ERBIN: variants seen among roughly 807,000 people sequenced by gnomAD.
ERBIN encodes densin-180-like protein.
In ERBIN, 60 loss-of-function variants were observed where a neutral mutation model predicts 158.4. The observed-to-expected ratio is 0.38, with a 90% CI of 0.31 to 0.47. ERBIN has a LOEUF of 0.47. Among genes scored for constraint, ERBIN ranks in the 20% least tolerant of loss-of-function variants. The pLI is 0.99. For missense variants in ERBIN, 1,610 were observed against 1,648.0 expected (o/e 0.98, Z 0.40); for synonymous variants, 594 against 557.2 (o/e 1.07, Z -0.93).
At position 66,081,416 on chromosome 5, in the gene ERBIN, A is replaced by C. The variant is rs931965360; in HGVS notation, c.*2886A>C. 2 of 151,570 alleles carry C rather than the reference A, an allele frequency of 1.3e-5. No individual in the cohort carries two copies. Among genetic ancestry groups the C allele is most frequent in the Admixed American group, 1.3e-4 (2 of 15,248 alleles). 9.4% of individuals were successfully genotyped at this position (151,570 alleles called of 1,614,324 possible). On this transcript the variant is annotated 3_prime_UTR_variant, in exon 26 of 26. Transcript: ENST00000284037. ...TGCCATAAGCAGAACCAAACTTTTA[A>C]GTATTAATTTGCTGCACTTAAAAAA...
At chr5:65,977,749 CG>C (rs1243339095) in intron 1 of ERBIN, among the ~76,000 whole-genome samples, 2 of 152,058 alleles carry the variant, frequency 1.3e-5, no homozygotes, top group African/African-American at 4.8e-5. Context: ...ACTTCCCAGA[CG>C]GGGTGGCGGC....
At chr5:65,967,399 T>C (rs1438591566) in intron 1 of ERBIN, among the ~76,000 whole-genome samples, 1 of 152,188 alleles carries the variant, frequency 6.6e-6, no homozygotes, top group Admixed American at 6.5e-5. Flanking sequence ...ACTAGTTTTT[T>C]TTTTATCTTT....
At chr5:65,977,758 G>C (rs1399789795) in intron 1 of ERBIN, among the ~76,000 whole-genome samples, 1 of 152,070 alleles carries the variant, frequency 6.6e-6, no homozygotes, top group Admixed American at 6.6e-5. Flanking sequence ...ACGGGGTGGC[G>C]GCCGGGCAGA....
Position 66,017,425 on chromosome 5 carries a change from T to G in ERBIN, c.533+2700T>G, listed in dbSNP as rs576522388. Among the ~76,000 whole-genome samples, 9 of 151,942 alleles carry G rather than the reference T, an allele frequency of 5.9e-5. No homozygotes were observed. In the South Asian group the frequency reaches 1.9e-3, roughly 31 times the overall value. On this transcript the variant is annotated intron_variant, in intron 7 of 25. Transcript: ENST00000284037. ...ATATTTCATTGTAGTTTTCTCTGAT[T>G]AGTGATGATCATTTTTTCATATGCC...
At chr5:66,022,908 T>C (rs1055891447) in intron 8 of ERBIN, 3 of 155,490 alleles carry the variant, frequency 1.9e-5, no homozygotes, top group Admixed American at 6.5e-5. Context: ...CTGTATCTTC[T>C]TACTGATAAT....
At position 66,040,571 on chromosome 5, in the gene ERBIN, TC is replaced by T. The variant is rs142639732; in HGVS notation, c.1306+2092del. ...TAGAGTTCATGTGTCACCTAAAGTA[TC>T]CCATGGGTATTATAAACACAGCACT... On this transcript the variant is annotated intron_variant, in intron 15 of 25. Coordinates refer to ENST00000284037, the MANE Select transcript of ERBIN (RefSeq NM_001253697.2). Among the ~76,000 whole-genome samples, 414 of 151,972 alleles carry T rather than the reference TC, an allele frequency of 2.7e-3. 11 individuals carry two copies. In the East Asian group the frequency reaches 0.073, roughly 27 times the overall value.
At chr5:65,946,739 G>A (rs57299494) in intron 1 of ERBIN, among the ~76,000 whole-genome samples, 1,793 of 150,536 alleles carry the variant, frequency 0.012, 39 homozygotes, top group African/African-American at 0.042. Context: ...CACCAGCAGT[G>A]TATGAGAGAT....
chr5:65,926,985 C>T (rs942180683), intron 1 of ERBIN, among the ~76,000 whole-genome samples, 179 bp downstream of exon 1: 6 of 151,902 alleles, frequency 3.9e-5, no homozygotes, highest in Non-Finnish European at 8.8e-5. Flanking sequence ...CACCGCGTCC[C>T]TTCTCCCCCC....
intron 1 of ERBIN, among the ~76,000 whole-genome samples, chr5:65,933,876 A>T (rs1743750556): frequency 6.6e-6 from 1 of 152,174 alleles, no homozygotes; most frequent in Non-Finnish European, 1.5e-5. Flanking sequence ...CTAAGTTGCT[A>T]ACATGATGCC....
Position 66,025,501 on chromosome 5 carries a change from C to T in ERBIN, c.839C>T (p.Thr280Met), listed in dbSNP as rs776446365. 5 of 1,611,960 alleles carry T rather than the reference C, an allele frequency of 3.1e-6. No homozygotes were observed. Among genetic ancestry groups the T allele is most frequent in the Middle Eastern group, 1.7e-4 (1 of 6,024 alleles). Reference protein sequence around the residue: ...ETIGSLKNITTLKIDENQLMY... With the variant: ...ETIGSLKNITMLKIDENQLMY... Reference sequence around the variant, plus strand: ...TTAGGTTCGTTGAAGAATATAACAACGCTTAAAATAGATGAAAACCAGTTA... The same window carrying T: ...TTAGGTTCGTTGAAGAATATAACAATGCTTAAAATAGATGAAAACCAGTTA... The change falls in exon 11 of 26, where the codon ACG (threonine) becomes ATG (methionine). Residue 280 changes from threonine (T) to methionine (M), a missense_variant. By Grantham distance (81) the Thr-to-Met change is moderately conservative. This residue lies in a region of ERBIN where 596 missense variants were observed against 711.9 expected (regional missense o/e 0.84). Coordinates refer to ENST00000284037, the MANE Select transcript of ERBIN (RefSeq NM_001253697.2).
chr5:65,956,197 A>G (rs1747099722), intron 1 of ERBIN, among the ~76,000 whole-genome samples: 1 of 152,122 alleles, frequency 6.6e-6, no homozygotes, highest in African/African-American at 2.4e-5. Flanking sequence ...TGTCTACTGC[A>G]TTATTGAATC....
In ERBIN at chr5:66,023,324, A is replaced by C. The variant is rs1164226775; in HGVS notation, c.632A>C (p.Glu211Ala). The C allele has an allele frequency of 6.2e-7, 1 of 1,613,236 alleles. No homozygotes were observed. The highest frequency in any genetic ancestry group is 1.1e-5 in the South Asian group (1 of 90,978). The change falls in exon 9 of 26, where the codon GAG (glutamate) becomes GCG (alanine). Residue 211 changes from glutamate to alanine, a missense_variant. This residue lies in a region of ERBIN where 596 missense variants were observed against 711.9 expected (regional missense o/e 0.84). Transcript: ENST00000284037. Reference protein sequence around the residue: ...EVLEQLSGLKEFWMDANRLTF... With the variant: ...EVLEQLSGLKAFWMDANRLTF... Reference sequence around the variant, plus strand: ...CTTGAGCAACTAAGTGGATTGAAAGAGTTTTGGATGGATGCTAATAGACTG... The same window carrying C: ...CTTGAGCAACTAAGTGGATTGAAAGCGTTTTGGATGGATGCTAATAGACTG...
chr5:66,042,784 A>G (rs944460956), intron 15 of ERBIN, among the ~76,000 whole-genome samples: 13 of 152,102 alleles, frequency 8.5e-5, no homozygotes, highest in Admixed American at 5.2e-4. Flanking sequence ...CCAAAACCAT[A>G]TATCTATGGT....
chr5:66,068,814 A>G lies in ERBIN; in HGVS notation c.3634-3355A>G. 6 of 1,404,224 alleles carry G rather than the reference A, an allele frequency of 4.3e-6. No homozygotes were observed. In the South Asian group the frequency reaches 9.0e-5, roughly 21 times the overall value. The allele number at this position is 1,404,224 out of a possible 1,614,324, so 87.0% of individuals were successfully genotyped here. A position where few individuals can be genotyped will look rare whatever the true frequency, so the allele number is the denominator to read the frequency against. On this transcript the variant is annotated intron_variant, in intron 21 of 25. Coordinates refer to ENST00000284037, the MANE Select transcript of ERBIN (RefSeq NM_001253697.2). ...ACTTGTAAATAAGTCTACGTATATA[A>G]CATGTCTCGTGGATTTTGCATGCTA... is the stretch of plus-strand genomic sequence containing the variant.
intron 1 of ERBIN, among the ~76,000 whole-genome samples, chr5:65,931,819 C>CTTTTTTTTTTT (rs36048820): frequency 7.6e-6 from 1 of 131,934 alleles, no homozygotes; most frequent in Non-Finnish European, 1.6e-5. Context: ...TCTTTTCTTT[C>CTTTTTTTTTTT]TTTTTTTTTT....
chr5:65,934,653 C>T (rs1464568571), intron 1 of ERBIN, among the ~76,000 whole-genome samples: 4 of 152,114 alleles, frequency 2.6e-5, no homozygotes, highest in Admixed American at 1.3e-4. Context: ...ATGGTATTCA[C>T]TTTATGTGAT....
Position 66,018,447 on chromosome 5 carries a change from ATATATATTATATTATATAATATATAT to A in ERBIN, c.534-2862_534-2837del, listed in dbSNP as rs1561379644. Among the ~76,000 whole-genome samples, 24 of 47,700 alleles carry A rather than the reference ATATATATTATATTATATAATATATAT, an allele frequency of 5.0e-4. 1 individual carries two copies. Among genetic ancestry groups the A allele is most frequent in the South Asian group, 7.1e-4 (1 of 1,414 alleles). The allele number at this position is 47,700 out of a possible 152,430, so 31.3% of individuals were successfully genotyped here. A position where few individuals can be genotyped will look rare whatever the true frequency, so the allele number is the denominator to read the frequency against. On this transcript the variant is annotated intron_variant, in intron 7 of 25. Transcript: ENST00000284037. ...AGAATAAATTGATATATATAATATAATATATATTATATTATATAATATATATTATATATTATATATTATATTATATA... is the reference window on the plus strand; with the variant it reads ...AGAATAAATTGATATATATAATATAATATATATTATATATTATATTATATA...
chr5:65,973,404 AAAAT>A (rs1411679653), intron 1 of ERBIN, among the ~76,000 whole-genome samples: 1 of 151,216 alleles, frequency 6.6e-6, no homozygotes, highest in East Asian at 1.9e-4. Flanking sequence ...AAGTATAATA[AAAAT>A]AAAATAATAA....
At chr5:65,928,405 AGAGGT>A (rs1742946554) in intron 1 of ERBIN, among the ~76,000 whole-genome samples, 1 of 152,204 alleles carries the variant, frequency 6.6e-6, no homozygotes, top group Non-Finnish European at 1.5e-5. Context: ...GGCATCTGAA[AGAGGT>A]GAACAAAATA....
Sources: gnomAD v4.1 joint callset for allele counts (sites outside exome capture counted in the v4.1 genomes callset) on GRCh38, gnomAD v4.1.1 for gene constraint, gnomAD v4.1.1 regional missense constraint, MANE v1.5 for transcripts, NCBI Gene and HGNC (gene_info 2026-07-23, HGNC 2026-07-21) for gene names.